JPH3: variants seen among roughly 807,000 people sequenced by gnomAD.
JPH3 encodes the protein junctophilin-3.
In JPH3, 11 loss-of-function variants were observed where a neutral mutation model predicts 59.6. The observed-to-expected ratio is 0.18, with a 90% CI of 0.12 to 0.31. The LOEUF is 0.31. Ranked by LOEUF, JPH3 falls within the 10% of genes least tolerant of loss-of-function variation. The pLI, the probability that JPH3 is intolerant of heterozygous loss-of-function variation, is 1.00. For missense variants in JPH3, 1,202 were observed against 1,105.7 expected, an observed-to-expected ratio of 1.09 and a Z score of -1.24; for synonymous variants, 673 against 483.6, an observed-to-expected ratio of 1.39 and a Z score of -5.14.
intron 1 of JPH3, among the ~76,000 whole-genome samples, chr16:87,607,142 A>G (rs2030550836): frequency 6.6e-6 from 1 of 152,194 alleles, no homozygotes; most frequent in Admixed American, 6.5e-5. Flanking sequence ...ATTGCAGGTG[A>G]ATGCCCATGC....
At chr16:87,616,654 T>G (rs2030982104) in intron 1 of JPH3, among the ~76,000 whole-genome samples, 2 of 152,094 alleles carry the variant, frequency 1.3e-5, no homozygotes, top group South Asian at 4.1e-4. Flanking sequence ...TCATGTGGTC[T>G]CTCCCGAGGT....
At position 87,618,364 on chromosome 16, in the gene JPH3, G is replaced by A. The variant is rs371054827; in HGVS notation, c.382+14836G>A. ...GGGGGAGGAGGGCGTGGACAGGCCGGGAAAAGGAGCAAAGGCAGGATGAGG... is the reference window on the plus strand; with the variant it reads ...GGGGGAGGAGGGCGTGGACAGGCCGAGAAAAGGAGCAAAGGCAGGATGAGG... On this transcript the variant is annotated intron_variant, in intron 1 of 4. Coordinates refer to ENST00000284262, the MANE Select transcript of JPH3 (RefSeq NM_020655.4). Among the ~76,000 whole-genome samples the A allele has an allele frequency of 5.9e-5, 9 of 152,256 alleles. No individual in the cohort carries two copies. In the East Asian group the frequency reaches 1.7e-3, roughly 29 times the overall value.
At chr16:87,623,003 C>G (rs927568122) in intron 1 of JPH3, among the ~76,000 whole-genome samples, 1 of 152,130 alleles carries the variant, frequency 6.6e-6, no homozygotes, top group South Asian at 2.1e-4. Flanking sequence ...AGAGGGGGAC[C>G]TGGTGGAGGT....
At chr16:87,693,642 A>T (rs1217475493) in intron 4 of JPH3, 3 of 152,274 alleles carry the variant, frequency 2.0e-5, no homozygotes, top group Admixed American at 6.5e-5. Context: ...ATGCCACTGC[A>T]CTCCAGCCTG....
intron 1 of JPH3, among the ~76,000 whole-genome samples, chr16:87,638,357 C>T (rs146581438): frequency 1.3e-5 from 2 of 152,164 alleles, no homozygotes; most frequent in Non-Finnish European, 2.9e-5. Context: ...TGAACAGACA[C>T]GTTCACTGGA....
At chr16:87,647,299 C>T (rs888779873) in intron 2 of JPH3, among the ~76,000 whole-genome samples, 1 of 151,850 alleles carries the variant, frequency 6.6e-6, no homozygotes, top group Non-Finnish European at 1.5e-5. Context: ...GAGTCCCCAG[C>T]CCTTGGGACG....
intron 3 of JPH3, among the ~76,000 whole-genome samples, chr16:87,685,988 G>A (rs146023122): frequency 4.5e-4 from 69 of 152,226 alleles, no homozygotes; most frequent in African/African-American, 1.5e-3. Context: ...AGATCCACGC[G>A]GCGTCCTTAG....
rs1447551433 is a variant in JPH3 at position 87,659,395 on chromosome 16, AAAAG to A, written c.1160+14364_1160+14367del. ...GTCTCAAAAAAAAAAAAGAAAAAAAAAAAGAAAACTACACACACATACACACAAC... is the reference window on the plus strand; with the variant it reads ...GTCTCAAAAAAAAAAAAGAAAAAAAAAAAACTACACACACATACACACAAC... On this transcript the variant is annotated intron_variant, in intron 2 of 4. Transcript: ENST00000284262. 9.8e-3 allele frequency among the ~76,000 whole-genome samples: 1,374 copies of A among 140,116 alleles called. 165 individuals carry two copies. The highest frequency in any genetic ancestry group is 0.025 in the African/African-American group (969 of 38,884). 91.9% of individuals were successfully genotyped at this position (140,116 alleles called of 152,430 possible).
intron 2 of JPH3, among the ~76,000 whole-genome samples, chr16:87,658,615 A>T (rs763111588): frequency 2.0e-5 from 3 of 151,946 alleles, no homozygotes; most frequent in Non-Finnish European, 2.9e-5. Context: ...CCAGGGCATG[A>T]TGTCGTGGAG....
intron 1 of JPH3, among the ~76,000 whole-genome samples, chr16:87,633,692 G>C (rs892555691): frequency 1.3e-5 from 2 of 151,850 alleles, no homozygotes; most frequent in Non-Finnish European, 2.9e-5. Context: ...CCAGCTACTC[G>C]GGAGTCTGAG....
chr16:87,605,968 A>G (rs1451869356), intron 1 of JPH3, among the ~76,000 whole-genome samples: 1 of 152,206 alleles, frequency 6.6e-6, no homozygotes, highest in East Asian at 1.9e-4. Context: ...AGGAAATAGA[A>G]TTGACCCTTC....
chr16:87,691,190 G>A (rs1410706908), intron 4 of JPH3, among the ~76,000 whole-genome samples: 2 of 147,380 alleles, frequency 1.4e-5, no homozygotes, highest in Admixed American at 6.7e-5. Flanking sequence ...GGCTAGACTC[G>A]GTGTGCGAGG....
At chr16:87,624,408 A>AC (rs2031293669) in intron 1 of JPH3, among the ~76,000 whole-genome samples, 1 of 152,066 alleles carries the variant, frequency 6.6e-6, no homozygotes, top group African/African-American at 2.4e-5. Flanking sequence ...GTGGAGTCAT[A>AC]CGCTGAGAGG....
Position 87,696,783 on chromosome 16 carries a change from C to T in JPH3, c.*123C>T. 2.6e-6 allele frequency: 2 copies of T among 758,436 alleles called. No homozygotes were observed. Among genetic ancestry groups the T allele is most frequent in the Non-Finnish European group, 4.5e-6 (2 of 440,726 alleles). The allele number at this position is 758,436 out of a possible 1,614,324, so 47.0% of individuals were successfully genotyped here. A position where few individuals can be genotyped will look rare whatever the true frequency, so the allele number is the denominator to read the frequency against. On this transcript the variant is annotated 3_prime_UTR_variant, in exon 5 of 5. Transcript: ENST00000284262. ...GCCCAGCGACTTCCAAGTCCTCTCACAGAAGAACCACACGATTGGGTATCA... is the reference window on the plus strand; with the variant it reads ...GCCCAGCGACTTCCAAGTCCTCTCATAGAAGAACCACACGATTGGGTATCA...
chr16:87,640,997 C>T (rs1037438958), intron 1 of JPH3, among the ~76,000 whole-genome samples: 1 of 152,224 alleles, frequency 6.6e-6, no homozygotes. Context: ...CTCACAACCC[C>T]AGCCTGGAAG....
At chr16:87,647,929 G>C (rs1461850711) in intron 2 of JPH3, among the ~76,000 whole-genome samples, 1 of 152,246 alleles carries the variant, frequency 6.6e-6, no homozygotes, top group Non-Finnish European at 1.5e-5. Flanking sequence ...GGCTGTCGTG[G>C]CTGAGTGCCC....
chr16:87,629,448 A>G (rs540524838), intron 1 of JPH3, among the ~76,000 whole-genome samples: 1 of 151,584 alleles, frequency 6.6e-6, no homozygotes, highest in African/African-American at 2.4e-5. Context: ...TTTGGATGTG[A>G]AAAAGACATT....
At chr16:87,674,349 A>G (rs896120488) in intron 2 of JPH3, among the ~76,000 whole-genome samples, 2 of 151,954 alleles carry the variant, frequency 1.3e-5, no homozygotes, top group Non-Finnish European at 2.9e-5. Flanking sequence ...AAACAAAAAC[A>G]AAAAAAAGCA....
intron 2 of JPH3, among the ~76,000 whole-genome samples, chr16:87,673,737 C>T (rs1041975023): frequency 6.6e-6 from 1 of 151,910 alleles, no homozygotes; most frequent in Non-Finnish European, 1.5e-5. Flanking sequence ...ACCAGCCTGA[C>T]CAACATGGCG....
Sources: allele counts gnomAD v4.1 joint callset (sites outside exome capture counted in the v4.1 genomes callset), GRCh38; gene constraint gnomAD v4.1.1; transcripts MANE v1.5; gene names NCBI Gene and HGNC (gene_info 2026-07-23, HGNC 2026-07-21).